EPB41L4A: variants seen among roughly 807,000 people sequenced by gnomAD.
EPB41L4A encodes erythrocyte membrane protein band 4.1 like 4A.
A neutral mutation model predicts 108.6 loss-of-function variants in EPB41L4A; 100 were observed. The observed-to-expected ratio is 0.92, with a 90% CI of 0.78 to 1.09. EPB41L4A has a LOEUF of 1.09. Ranked by LOEUF, EPB41L4A falls within the 50% of genes least tolerant of loss-of-function variation. The pLI, the probability that EPB41L4A is intolerant of heterozygous loss-of-function variation, is 0.00. For synonymous variants in EPB41L4A, 319 were observed against 289.0 expected (o/e 1.10, Z -1.05); for missense variants, 1,030 against 842.7 (o/e 1.22, Z -2.75).
At chr5:112,262,358 T>G in intron 7 of EPB41L4A, 136 bp downstream of exon 7, 2 of 696,828 alleles carry the variant, frequency 2.9e-6, no homozygotes, top group Non-Finnish European at 4.9e-6. Flanking sequence ...AGCTGCTTTG[T>G]GTTAGAAAAA....
At chr5:112,367,867 T>A (rs994905165) in intron 1 of EPB41L4A, among the ~76,000 whole-genome samples, 4 of 148,316 alleles carry the variant, frequency 2.7e-5, no homozygotes, top group Non-Finnish European at 5.9e-5. Flanking sequence ...ACAAACTGAA[T>A]TGCCTGCTCC....
intron 1 of EPB41L4A, among the ~76,000 whole-genome samples, chr5:112,390,358 C>T (rs1760852830): frequency 6.6e-6 from 1 of 152,166 alleles, no homozygotes; most frequent in Non-Finnish European, 1.5e-5. Flanking sequence ...CTGTGCTTTT[C>T]CAACAGTCTT....
At position 112,215,492 on chromosome 5, in the gene EPB41L4A, G is replaced by A. The variant is rs1295487225; in HGVS notation, c.1088-5510C>T. On this transcript the variant is annotated intron_variant, in intron 12 of 22. Coordinates refer to ENST00000261486, the MANE Select transcript of EPB41L4A (RefSeq NM_022140.5). ...AAAAGACAAAGCTTGCTCGGGCGCG[G>A]TGGCTCACGCCTGTAATCCCAGCAC... Among the ~76,000 whole-genome samples, 8 of 152,288 alleles carry A rather than the reference G, an allele frequency of 5.3e-5. No homozygotes were observed. In the East Asian group the frequency reaches 9.6e-4, roughly 18 times the overall value.
Position 112,234,040 on chromosome 5 carries a change from C to T in EPB41L4A, c.1087+594G>A, listed in dbSNP as rs187256254. ...CCCCTTCAAAAAGAACGTATGGGGC[C>T]AGGCATGGTGGTTCATGCCTGTAAT... On this transcript the variant is annotated intron_variant, in intron 12 of 22. Coordinates refer to ENST00000261486, the MANE Select transcript of EPB41L4A (RefSeq NM_022140.5). 5.3e-5 allele frequency among the ~76,000 whole-genome samples: 8 copies of T among 151,812 alleles called. No homozygotes were observed. In the East Asian group the frequency reaches 1.6e-3, roughly 29 times the overall value.
intron 15 of EPB41L4A, chr5:112,197,142 CAG>C (rs1762002615): frequency 2.0e-5 from 3 of 152,180 alleles, no homozygotes; most frequent in South Asian, 4.1e-4. Context: ...GCCCGTCTAG[CAG>C]ACTCTTTTTA....
intron 1 of EPB41L4A, among the ~76,000 whole-genome samples, chr5:112,384,512 T>C (rs1278495854): frequency 6.6e-6 from 1 of 152,062 alleles, no homozygotes; most frequent in Admixed American, 6.6e-5. Context: ...CAGTAAAATC[T>C]CCACTCAGAG....
chr5:112,328,485 G>A (rs1756334818), intron 1 of EPB41L4A, among the ~76,000 whole-genome samples: 1 of 152,130 alleles, frequency 6.6e-6, no homozygotes, highest in Admixed American at 6.5e-5. Flanking sequence ...TTTAACAAAT[G>A]AAGTGATTTG....
intron 1 of EPB41L4A, among the ~76,000 whole-genome samples, chr5:112,414,435 G>T (rs1229525583): frequency 6.6e-6 from 1 of 152,214 alleles, no homozygotes; most frequent in Non-Finnish European, 1.5e-5. Flanking sequence ...CATCTGGGGA[G>T]ATTTTTGGTT....
At chr5:112,312,711 C>G (rs1334560120) in intron 1 of EPB41L4A, among the ~76,000 whole-genome samples, 1 of 152,232 alleles carries the variant, frequency 6.6e-6, no homozygotes, top group East Asian at 1.9e-4. Flanking sequence ...TCTGTCCATT[C>G]TGCCCTAACT....
At chr5:112,303,238 AG>A (rs1216421664) in intron 2 of EPB41L4A, among the ~76,000 whole-genome samples, 1 of 152,192 alleles carries the variant, frequency 6.6e-6, no homozygotes, top group African/African-American at 2.4e-5. Flanking sequence ...TCAGGATGAA[AG>A]GAAGAGGGGC....
chr5:112,266,791 ACT>A (rs1306849979), intron 4 of EPB41L4A, among the ~76,000 whole-genome samples: 1 of 152,082 alleles, frequency 6.6e-6, no homozygotes, highest in Non-Finnish European at 1.5e-5. Flanking sequence ...ATTACATAAC[ACT>A]CTGCCTATTA....
At chr5:112,210,046 C>G in intron 12 of EPB41L4A, 64 bp from the exon 13 acceptor site, 1 of 985,952 alleles carries the variant, frequency 1.0e-6, no homozygotes, top group Non-Finnish European at 1.5e-6. Context: ...ATGAAAGAAA[C>G]AGAAGACTTA....
At chr5:112,330,308 A>G (rs1395584416) in intron 1 of EPB41L4A, among the ~76,000 whole-genome samples, 8 of 152,132 alleles carry the variant, frequency 5.3e-5, no homozygotes, top group Non-Finnish European at 1.5e-5. Flanking sequence ...TTCTTACCAT[A>G]AAATGCTAGC....
At chr5:112,394,947 G>A (rs1056203388) in intron 1 of EPB41L4A, among the ~76,000 whole-genome samples, 4 of 151,970 alleles carry the variant, frequency 2.6e-5, no homozygotes, top group African/African-American at 4.8e-5. Context: ...ACCACACATC[G>A]ACAACCATCT....
exon 14 of EPB41L4A, chr5:112,143,100 G>A (rs538748626): frequency 6.6e-6 from 1 of 152,290 alleles, no homozygotes; most frequent in African/African-American, 2.4e-5. Context: ...AGACTAGTAA[G>A]TCCTAGAAAT....
chr5:112,231,654 G>A (rs13159203), intron 12 of EPB41L4A, among the ~76,000 whole-genome samples: 11,488 of 150,830 alleles, frequency 0.076, 505 homozygotes, highest in African/African-American at 0.11. Context: ...GCGCGGTGGC[G>A]GGCGCCTGTA....
In EPB41L4A at chr5:112,204,380, C is replaced by A. The variant is rs750296414; in HGVS notation, c.1371G>T (p.Arg457Ser). 1 of 1,609,972 alleles carries A rather than the reference C, an allele frequency of 6.2e-7. No homozygotes were observed. Among genetic ancestry groups the A allele is most frequent in the Non-Finnish European group, 8.5e-7 (1 of 1,176,360 alleles). ...AGAGATTGTGTTCCGCTTACCTCCTCCTCACAGGCTGTACAGAATCATTGT... is the reference window on the plus strand; with the variant it reads ...AGAGATTGTGTTCCGCTTACCTCCTACTCACAGGCTGTACAGAATCATTGT... ...GSDNDSVQPV[R>S]RRKAHNSGED... Residue 457 changes from arginine (R) to serine (S), a missense_variant, in exon 15 of 23, where the codon AGG (arginine) becomes AGT (serine). By Grantham distance (110) the Arg-to-Ser change is moderately radical. Coordinates refer to ENST00000261486, the MANE Select transcript of EPB41L4A (RefSeq NM_022140.5).
At chr5:112,239,459 C>G (rs1332424465) in intron 11 of EPB41L4A, 2 of 387,090 alleles carry the variant, frequency 5.2e-6, no homozygotes, top group South Asian at 1.5e-4. Context: ...CACAACATAG[C>G]TAATGCAGAC....
At chr5:112,338,424 T>A (rs1398662201) in intron 1 of EPB41L4A, among the ~76,000 whole-genome samples, 1 of 152,188 alleles carries the variant, frequency 6.6e-6, no homozygotes, top group Admixed American at 6.5e-5. Context: ...CTCTCCAGCA[T>A]GGCTGGCTCC....
Sources: allele counts gnomAD v4.1 joint callset (sites outside exome capture counted in the v4.1 genomes callset), GRCh38; gene constraint gnomAD v4.1.1; transcripts MANE v1.5; gene names NCBI Gene and HGNC (gene_info 2026-07-23, HGNC 2026-07-21).